The following LAMC2 variants were observed in gnomAD, a reference collection of about 807,000 sequenced individuals.
The protein encoded by LAMC2 is laminin subunit gamma-2.
LAMC2 carries 97 observed loss-of-function variants against 140.2 expected under a neutral mutation model. That is an observed-to-expected ratio of 0.69 (90% confidence interval 0.59 to 0.82). LAMC2 has a LOEUF of 0.82. LAMC2 is among the 40% of genes least tolerant of loss of function. LAMC2 has a pLI of 0.00. For missense variants in LAMC2, 1,402 were observed against 1,476.1 expected, an observed-to-expected ratio of 0.95 and a Z score of 0.82; for synonymous variants, 513 against 540.2, an observed-to-expected ratio of 0.95 and a Z score of 0.70.
chr1:183,232,122 G>T, intron 12 of LAMC2, 65 bp from the exon 13 acceptor site: 1 of 1,580,578 alleles, frequency 6.3e-7, no homozygotes, highest in Non-Finnish European at 8.7e-7. Flanking sequence ...TGGGTACCTG[G>T]TATTGGATGA....
chr1:183,215,524 G>C lies in LAMC2; in HGVS notation c.340G>C (p.Asp114His). 1 of 1,614,154 alleles carries C rather than the reference G, an allele frequency of 6.2e-7. No homozygotes were observed. ...ACCAGGTGTGACAGGAGCCAGATGCGACCGATGTCTGCCAGGCTTCCACAT... is the reference window on the plus strand; with the variant it reads ...ACCAGGTGTGACAGGAGCCAGATGCCACCGATGTCTGCCAGGCTTCCACAT... ...CKPGVTGARC[D>H]RCLPGFHMLT... The change falls in exon 3 of 23, where the codon GAC becomes CAC. Residue 114 changes from aspartate to histidine, a missense_variant. Coordinates refer to ENST00000264144, the MANE Select transcript of LAMC2 (RefSeq NM_005562.3).
At chr1:183,227,469 T>G in intron 9 of LAMC2, 46 bp from the exon 10 acceptor site, 1 of 1,527,248 alleles carries the variant, frequency 6.5e-7, no homozygotes, top group Non-Finnish European at 9.1e-7. Flanking sequence ...ATGTATTGTC[T>G]GACCCTGCTC....
intron 2 of LAMC2, among the ~76,000 whole-genome samples, chr1:183,211,568 C>T (rs1446178324): frequency 7.9e-5 from 12 of 152,162 alleles, no homozygotes; most frequent in Admixed American, 2.0e-4. Flanking sequence ...TGGAGTGCAG[C>T]GGCTCCATCA....
intron 1 of LAMC2, among the ~76,000 whole-genome samples, chr1:183,192,286 A>G (rs1571498162): frequency 1.3e-5 from 2 of 152,134 alleles, no homozygotes; most frequent in South Asian, 2.1e-4. Context: ...TATTGTGGGG[A>G]TATGTATCTC....
chr1:183,203,897 A>G (rs1658801896), intron 1 of LAMC2, among the ~76,000 whole-genome samples: 1 of 152,128 alleles, frequency 6.6e-6, no homozygotes, highest in South Asian at 2.1e-4. Flanking sequence ...TATGTTTGCA[A>G]TAGGCTTAGA....
At chr1:183,212,738 C>T (rs966454093) in intron 2 of LAMC2, among the ~76,000 whole-genome samples, 1 of 152,148 alleles carries the variant, frequency 6.6e-6, no homozygotes. Context: ...TTCATATACC[C>T]AAAACTAAAC....
At chr1:183,206,417 G>T (rs1231524521) in intron 1 of LAMC2, among the ~76,000 whole-genome samples, 1 of 152,198 alleles carries the variant, frequency 6.6e-6, no homozygotes, top group Non-Finnish European at 1.5e-5. Context: ...GCCGAGGCAG[G>T]CGGATCACCT....
At chr1:183,225,241 A>G (rs1659591519) in intron 7 of LAMC2, among the ~76,000 whole-genome samples, 1 of 152,214 alleles carries the variant, frequency 6.6e-6, no homozygotes, top group Non-Finnish European at 1.5e-5. Context: ...AAAAAAAATG[A>G]ATAGTAGCTC....
chr1:183,253,163 T>C, the LAMC2 span, among the ~76,000 whole-genome samples: 3 of 150,954 alleles, frequency 2.0e-5, no homozygotes, highest in Non-Finnish European at 4.4e-5. Context: ...ATTTAAGTCA[T>C]ACAATCTGAT....
intron 1 of LAMC2, 33 bp downstream of exon 1, chr1:183,186,464 C>T: frequency 4.4e-6 from 7 of 1,597,808 alleles, no homozygotes; most frequent in Non-Finnish European, 5.1e-6. Context: ...ACATCTCAGC[C>T]CTGGGCTGAG....
intron 1 of LAMC2, among the ~76,000 whole-genome samples, chr1:183,206,670 A>T (rs1195435158): frequency 6.7e-6 from 1 of 148,648 alleles, no homozygotes; most frequent in Non-Finnish European, 1.5e-5. Context: ...AAAAAAAAAG[A>T]TGTACATTGT....
chr1:183,205,726 G>A (rs577365095), intron 1 of LAMC2, among the ~76,000 whole-genome samples: 7 of 152,100 alleles, frequency 4.6e-5, no homozygotes, highest in African/African-American at 7.2e-5. Context: ...GCCTGATGAC[G>A]CAGGGCCCTT....
At chr1:183,233,897 T>A (rs961296406) in intron 14 of LAMC2, among the ~76,000 whole-genome samples, 1 of 151,896 alleles carries the variant, frequency 6.6e-6, no homozygotes, top group Non-Finnish European at 1.5e-5. Flanking sequence ...TTTCTTTTTT[T>A]TTTTTCGAGA....
At chr1:183,248,711 TTGTA>T (rs923285648), downstream of LAMC2, 1 of 152,260 alleles carries the variant, frequency 6.6e-6, no homozygotes, top group African/African-American at 2.4e-5. Context: ...GGTGTCCTAA[TTGTA>T]TGAGCTACAA....
the LAMC2 span, among the ~76,000 whole-genome samples, chr1:183,257,195 C>T: frequency 6.6e-6 from 1 of 151,910 alleles, no homozygotes; most frequent in African/African-American, 2.4e-5. Context: ...GTAATACCAG[C>T]ACTTTGGGAG....
intron 1 of LAMC2, among the ~76,000 whole-genome samples, chr1:183,189,325 C>A (rs1658251172): frequency 1.3e-5 from 2 of 152,176 alleles, no homozygotes. Flanking sequence ...CACAGTGACT[C>A]ATGCCTATAA....
intron 1 of LAMC2, among the ~76,000 whole-genome samples, chr1:183,205,972 A>G (rs1233421813): frequency 2.0e-5 from 3 of 152,048 alleles, no homozygotes; most frequent in African/African-American, 4.8e-5. Flanking sequence ...AAGCTGAATG[A>G]CCCTCTATTA....
At chr1:183,251,946 TGC>T in the LAMC2 span, 2 of 156,150 alleles carry the variant, frequency 1.3e-5, no homozygotes, top group South Asian at 1.9e-4. Context: ...TGTGTGTGTG[TGC>T]GTGTGTGTGG....
chr1:183,207,888 T>C lies in LAMC2; in HGVS notation c.87T>C (p.Asp29=), dbSNP rs1249729283. The change falls in exon 2 of 23, where the codon GAT becomes GAC. Residue 29 remains aspartate, a synonymous_variant. Coordinates refer to ENST00000264144, the MANE Select transcript of LAMC2 (RefSeq NM_005562.3). The part of the protein sequence containing the change: ...ARATSRREVC[D]CNGKSRQCIF... ...TGTATGCTTCCTCCCCAGTCTGTGA[T>C]TGCAATGGGAAGTCCAGGCAGTGTA... The C allele has an allele frequency of 1.1e-5, 18 of 1,611,924 alleles. No homozygotes were observed. Among genetic ancestry groups the C allele is most frequent in the South Asian group, 8.8e-5 (8 of 91,036 alleles).
Sources: gnomAD v4.1 joint callset for allele counts (sites outside exome capture counted in the v4.1 genomes callset) on GRCh38, gnomAD v4.1.1 for gene constraint, MANE v1.5 for transcripts, NCBI Gene and HGNC (gene_info 2026-07-23, HGNC 2026-07-21) for gene names.